The following PAK2 variants were observed in gnomAD, a reference collection of about 807,000 sequenced individuals.
PAK2 encodes the protein p21 (RAC1) activated kinase 2.
Under a neutral mutation model 65.9 loss-of-function variants are expected in PAK2, and 21 were observed. The ratio of observed to expected loss-of-function variants is 0.32; its 90% CI spans 0.23 to 0.46. The LOEUF (loss-of-function observed/expected upper bound fraction) is 0.46. Among genes scored for constraint, PAK2 ranks in the 20% least tolerant of loss-of-function variants. The probability of loss-of-function intolerance (pLI) is 1.00; values close to 1 mark genes in which losing one functional copy is unlikely to be tolerated. For synonymous variants in PAK2, 204 were observed against 219.7 expected (o/e 0.93, Z 0.63); for missense variants, 324 against 642.6 (o/e 0.50, Z 5.36).
intron 1 of PAK2, among the ~76,000 whole-genome samples, chr3:196,778,888 G>A (rs1463399830): frequency 6.6e-6 from 1 of 152,192 alleles, no homozygotes; most frequent in Non-Finnish European, 1.5e-5. Context: ...TGGGTTTGGG[G>A]GAAGAATACC....
chr3:196,793,959 C>T (rs574855648), intron 2 of PAK2, among the ~76,000 whole-genome samples: 1 of 152,034 alleles, frequency 6.6e-6, no homozygotes, highest in South Asian at 2.1e-4. Flanking sequence ...GGTGAAATCC[C>T]ATCTCTACTA....
At chr3:196,770,716 G>A (rs970673259) in intron 1 of PAK2, among the ~76,000 whole-genome samples, 3 of 127,522 alleles carry the variant, frequency 2.4e-5, no homozygotes, top group Admixed American at 7.7e-5. Flanking sequence ...TCCGCCTCCC[G>A]GGTTCAAGCA....
At chr3:196,816,063 T>A (rs1053181815) in intron 11 of PAK2, among the ~76,000 whole-genome samples, 2 of 152,166 alleles carry the variant, frequency 1.3e-5, no homozygotes, top group Admixed American at 6.6e-5. Flanking sequence ...ACAGATAAGA[T>A]TTGGGCTAAT....
chr3:196,825,455 A>C (rs923736501), intron 13 of PAK2, among the ~76,000 whole-genome samples: 2 of 151,730 alleles, frequency 1.3e-5, no homozygotes, highest in East Asian at 1.9e-4. Context: ...CAGCCTGGCC[A>C]ACACAGTGAA....
chr3:196,808,301 G>T (rs138886526), intron 7 of PAK2, among the ~76,000 whole-genome samples: 1 of 151,842 alleles, frequency 6.6e-6, no homozygotes, highest in Middle Eastern at 3.4e-3. Flanking sequence ...GGTGGCTCAC[G>T]CCTGTAATCC....
intron 2 of PAK2, among the ~76,000 whole-genome samples, chr3:196,785,810 G>C (rs900331021): frequency 1.6e-4 from 25 of 152,162 alleles, no homozygotes; most frequent in African/African-American, 5.6e-4. Context: ...CAGGCAACGA[G>C]AGAGAGCTTG....
intron 1 of PAK2, among the ~76,000 whole-genome samples, chr3:196,774,424 A>G (rs1477376166): frequency 6.6e-6 from 1 of 152,156 alleles, no homozygotes; most frequent in Non-Finnish European, 1.5e-5. Context: ...TTTCCTGTGT[A>G]ACTCGAGTTT....
chr3:196,760,891 A>G (rs1713937332), intron 1 of PAK2, among the ~76,000 whole-genome samples: 2 of 152,192 alleles, frequency 1.3e-5, no homozygotes, highest in African/African-American at 2.4e-5. Context: ...AGATAGGTAC[A>G]GAGATGTATG....
intron 10 of PAK2, among the ~76,000 whole-genome samples, chr3:196,813,244 C>G (rs1715884377): frequency 6.6e-6 from 1 of 152,002 alleles, no homozygotes; most frequent in African/African-American, 2.4e-5. Flanking sequence ...TCTATCAAAA[C>G]CTCATTTAGT....
chr3:196,756,146 G>A (rs763953019), intron 1 of PAK2, among the ~76,000 whole-genome samples: 6 of 152,090 alleles, frequency 3.9e-5, no homozygotes, highest in East Asian at 1.9e-4. Flanking sequence ...TCTGAGCCTC[G>A]CCACTTGACT....
intron 1 of PAK2, among the ~76,000 whole-genome samples, chr3:196,759,846 G>T (rs1220843374): frequency 1.3e-5 from 2 of 151,956 alleles, no homozygotes; most frequent in Non-Finnish European, 2.9e-5. Flanking sequence ...TTTTTTAAGT[G>T]TGCTCACAAA....
chr3:196,814,216 G>C (rs1715920216), intron 10 of PAK2, among the ~76,000 whole-genome samples: 1 of 152,120 alleles, frequency 6.6e-6, no homozygotes, highest in Non-Finnish European at 1.5e-5. Flanking sequence ...AATGAGCTAT[G>C]TGCATACTCA....
intron 2 of PAK2, among the ~76,000 whole-genome samples, chr3:196,793,690 G>A (rs1301170503): frequency 1.3e-5 from 2 of 152,166 alleles, no homozygotes; most frequent in Non-Finnish European, 2.9e-5. Context: ...GTCAAAGAGA[G>A]GAGATAGAGG....
Position 196,832,394 on chromosome 3 carries a change from T to C in PAK2, c.*3989T>C, listed in dbSNP as rs1712121125. ...TTATTTTTAATTTAATCCCGTTCAA[T>C]TATTTAATTGTTATACATTGACATT... is the stretch of plus-strand genomic sequence containing the variant. On this transcript the variant is annotated 3_prime_UTR_variant, in exon 15 of 15. Transcript: ENST00000327134. 6.6e-6 allele frequency: 1 copy of C among 152,258 alleles called. No homozygotes were observed. The highest frequency in any genetic ancestry group is 1.5e-5 in the Non-Finnish European group (1 of 68,042). The allele number at this position is 152,258 out of a possible 1,614,324, so 9.4% of individuals were successfully genotyped here.
At chr3:196,801,891 G>C (rs781175435) in intron 2 of PAK2, 36 bp from the exon 3 acceptor site, 1 of 1,055,960 alleles carries the variant, frequency 9.5e-7, no homozygotes, top group Non-Finnish European at 1.5e-6. Context: ...TGTTTAAATA[G>C]GCTGATTCTT....
intron 1 of PAK2, among the ~76,000 whole-genome samples, chr3:196,755,735 G>A (rs1328751605): frequency 3.3e-5 from 5 of 151,982 alleles, no homozygotes; most frequent in South Asian, 4.1e-4. Context: ...TGGGATTACA[G>A]GCGTGAGCCA....
At chr3:196,807,609 T>A (rs572379563) in intron 6 of PAK2, among the ~76,000 whole-genome samples, 173 bp from the exon 7 acceptor site, 1 of 152,336 alleles carries the variant, frequency 6.6e-6, no homozygotes, top group African/African-American at 2.4e-5. Flanking sequence ...TGTTTCACAT[T>A]TATTCTTCTT....
intron 1 of PAK2, chr3:196,747,082 C>G (rs143964644): frequency 6.6e-6 from 1 of 150,904 alleles, no homozygotes; most frequent in Non-Finnish European, 1.5e-5. Flanking sequence ...TTTTACTAAC[C>G]AGCTTTGAGA....
rs980592743 is a variant in PAK2, at chr3:196,791,103, T to G, written c.187+8270T>G. ...ACTGAACCCCCACATCTACATAAATTTATTGTGATTGGCCCTCTATTTCTG... is the reference window on the plus strand; with the variant it reads ...ACTGAACCCCCACATCTACATAAATGTATTGTGATTGGCCCTCTATTTCTG... On this transcript the variant is annotated intron_variant, in intron 2 of 14. Transcript: ENST00000327134. The surrounding 1 kb of genome is among the most constrained non-coding windows in gnomAD (Gnocchi z 4.0). 7.2e-5 allele frequency among the ~76,000 whole-genome samples: 11 copies of G among 152,186 alleles called. No homozygotes were observed. The highest frequency in any genetic ancestry group is 1.6e-4 in the Non-Finnish European group (11 of 68,028).
Sources: allele counts gnomAD v4.1 joint callset (sites outside exome capture counted in the v4.1 genomes callset), GRCh38; gene constraint gnomAD v4.1.1; non-coding constraint Gnocchi (gnomAD v3.1); transcripts MANE v1.5; gene names NCBI Gene and HGNC (gene_info 2026-07-23, HGNC 2026-07-21).